The following ANOS1 variants were observed in gnomAD, a reference collection of about 807,000 sequenced individuals.
The protein encoded by ANOS1 is anosmin-1.
Under a neutral mutation model 59.0 loss-of-function variants are expected in ANOS1, and 6 were observed. The ratio of observed to expected loss-of-function variants is 0.10; its 90% confidence interval spans 0.06 to 0.20. The LOEUF is 0.20. Among genes scored for constraint, ANOS1 ranks in the 10% least tolerant of loss-of-function variants. The probability of loss-of-function intolerance (pLI) is 1.00; values close to 1 mark genes in which losing one functional copy is unlikely to be tolerated. For synonymous variants in ANOS1, 217 were observed against 223.4 expected (o/e 0.97, Z 0.25); for missense variants, 433 against 542.3 (o/e 0.80, Z 2.00).
At position 8,532,783 on chromosome X, in the gene ANOS1, T is replaced by C; in HGVS notation, c.*212A>G. 1 of 381,346 alleles carries C rather than the reference T, an allele frequency of 2.6e-6. No homozygotes were observed. The highest frequency in any genetic ancestry group is 4.6e-6 in the Non-Finnish European group (1 of 217,186). 31.4% of individuals were successfully genotyped at this position (381,346 alleles called of 1,213,427 possible). ...CTATTCTTCATTTTCTCCATGCTTG[T>C]AGGGAACTGGTGTCTGTCTTCACCA... On this transcript the variant is annotated 3_prime_UTR_variant, in exon 14 of 14. Transcript: ENST00000262648.
rs760804128 is a variant in ANOS1 at position 8,559,338 on chromosome X, C to A, written c.1208-5240G>T. ...ACATGTTCATTATTAAAAGCATGAA[C>A]TTTTTTTTCCCTATTGTCCATTAAA... On this transcript the variant is annotated intron_variant, in intron 8 of 13. Transcript: ENST00000262648. 7.2e-5 allele frequency among the ~76,000 whole-genome samples: 4 copies of A among 55,899 alleles called. No individual in the cohort carries two copies. In the East Asian group the frequency reaches 3.1e-3, roughly 44 times the overall value. The allele number at this position is 55,899 out of a possible 115,157, so 48.5% of individuals were successfully genotyped here.
rs1471880092 is a variant in ANOS1, at chrX:8,530,555, A to C, written c.*2440T>G. ...CATTTTTCTTCCAATAACACCAATA[A>C]AATTTAAATTATTTATTTATATTAA... On this transcript the variant is annotated 3_prime_UTR_variant, in exon 14 of 14. Coordinates refer to ENST00000262648, the MANE Select transcript of ANOS1 (RefSeq NM_000216.4). 9.0e-6 allele frequency: 1 copy of C among 110,500 alleles called. No individual in the cohort carries two copies. The highest frequency in any genetic ancestry group is 3.3e-5 in the African/African-American group (1 of 30,602). The allele number at this position is 110,500 out of a possible 1,213,427, so 9.1% of individuals were successfully genotyped here. A position where few individuals can be genotyped will look rare whatever the true frequency, so the allele number is the denominator to read the frequency against.
intron 2 of ANOS1, among the ~76,000 whole-genome samples, chrX:8,663,600 C>T (rs975660293): frequency 9.0e-6 from 1 of 111,575 alleles, no homozygotes; most frequent in African/African-American, 3.3e-5. Flanking sequence ...CCAACTGGAG[C>T]CTGCCCAGAA....
chrX:8,594,963 T>G (rs181591779), intron 4 of ANOS1, among the ~76,000 whole-genome samples: 1 of 107,321 alleles, frequency 9.3e-6, no homozygotes, highest in Non-Finnish European at 1.9e-5. Flanking sequence ...TCACCTGGTT[T>G]CGTTAAACGT....
At chrX:8,687,135 C>T (rs1032353345) in intron 2 of ANOS1, among the ~76,000 whole-genome samples, 2 of 111,153 alleles carry the variant, frequency 1.8e-5, no homozygotes, top group Non-Finnish European at 3.8e-5. Context: ...TCAGCAAAAG[C>T]CATTTGTTAA....
At chrX:8,627,262 A>G (rs7877867) in intron 2 of ANOS1, among the ~76,000 whole-genome samples, 1,925 of 112,768 alleles carry the variant, frequency 0.017, 44 homozygotes, top group African/African-American at 0.059. Context: ...CTACATGTGT[A>G]CACAGTTGCA....
chrX:8,724,441 G>C (rs749808675), intron 1 of ANOS1, among the ~76,000 whole-genome samples: 18 of 112,365 alleles, frequency 1.6e-4, no homozygotes, highest in Non-Finnish European at 3.0e-4. Flanking sequence ...CCAGAGCCCT[G>C]CATAAGCCTG....
At chrX:8,688,530 T>C (rs1393843498) in intron 2 of ANOS1, among the ~76,000 whole-genome samples, 1 of 112,468 alleles carries the variant, frequency 8.9e-6, no homozygotes, top group East Asian at 2.8e-4. Context: ...GAGATTTCGT[T>C]TGCATTTTCT....
chrX:8,595,269 A>C (rs1930712969), intron 4 of ANOS1, among the ~76,000 whole-genome samples: 1 of 111,828 alleles, frequency 8.9e-6, no homozygotes, highest in African/African-American at 3.2e-5. Context: ...TTTAAAAGTT[A>C]GATGGTTTTA....
intron 9 of ANOS1, among the ~76,000 whole-genome samples, chrX:8,546,516 A>T (rs1929773664): frequency 8.9e-6 from 1 of 112,284 alleles, no homozygotes; most frequent in African/African-American, 3.2e-5. Flanking sequence ...AGCTCCTAAT[A>T]GTAAGTGTGT....
At chrX:8,668,710 AATG>A in intron 2 of ANOS1, among the ~76,000 whole-genome samples, 1 of 108,956 alleles carries the variant, frequency 9.2e-6, no homozygotes. Flanking sequence ...AAACAATAGC[AATG>A]AAAACCTCCA....
At chrX:8,560,390 G>A (rs1930013583) in intron 8 of ANOS1, among the ~76,000 whole-genome samples, 1 of 111,950 alleles carries the variant, frequency 8.9e-6, no homozygotes, top group African/African-American at 3.2e-5. Flanking sequence ...TTTCTTAAAT[G>A]GCCAGATAGT....
chrX:8,597,395 T>C (rs1452762310), intron 3 of ANOS1, 139 bp from the exon 4 acceptor site: 1 of 534,961 alleles, frequency 1.9e-6, no homozygotes, highest in African/African-American at 2.3e-5. Context: ...GTATTTGTTT[T>C]CTTTTCTCCT....
chrX:8,725,519 G>GATAT (rs762026873), intron 1 of ANOS1, among the ~76,000 whole-genome samples: 25 of 62,356 alleles, frequency 4.0e-4, no homozygotes, highest in African/African-American at 1.3e-3. Flanking sequence ...ATTATATACA[G>GATAT]ATATATATAT....
chrX:8,610,006 C>CAAAAAAAAAAAAAAAA (rs1167209336), intron 3 of ANOS1, among the ~76,000 whole-genome samples: 18 of 9,159 alleles, frequency 2.0e-3, no homozygotes, highest in African/African-American at 4.0e-3. Flanking sequence ...GACTCCATCT[C>CAAAAAAAAAAAAAAAA]AAAAAAAAAA....
At chrX:8,731,162 G>T (rs1932972864) in intron 1 of ANOS1, among the ~76,000 whole-genome samples, 1 of 112,235 alleles carries the variant, frequency 8.9e-6, no homozygotes, top group Admixed American at 9.3e-5. Flanking sequence ...CTTCCCTGAC[G>T]CTCTACGCTA....
In ANOS1 at chrX:8,690,492, A is replaced by C. The variant is rs974117071; in HGVS notation, c.255+9206T>G. On this transcript the variant is annotated intron_variant, in intron 2 of 13. Transcript: ENST00000262648. ...TATTAGAATTGCAATCAGATAAAAA[A>C]CGTTCACCTTTGGTTCTTGGGTACT... Among the ~76,000 whole-genome samples the C allele has an allele frequency of 2.1e-4, 23 of 112,083 alleles. 1 individual carries two copies. The highest frequency in any genetic ancestry group is 7.5e-4 in the African/African-American group (23 of 30,855).
At chrX:8,544,892 C>T (rs1601948007) in intron 9 of ANOS1, among the ~76,000 whole-genome samples, 1 of 108,099 alleles carries the variant, frequency 9.3e-6, no homozygotes, top group East Asian at 2.9e-4. Context: ...CATGGAGAAA[C>T]CCCGTCTCTA....
chrX:8,722,521 G>A lies in ANOS1; in HGVS notation c.207+9309C>T, dbSNP rs751089650. On this transcript the variant is annotated intron_variant, in intron 1 of 13. Transcript: ENST00000262648. ...TCTCCAATCCCATCCAGGTTGCTGC[G>A]AATACCATCAGTTCATTCCTTTTTA... 9.9e-5 allele frequency among the ~76,000 whole-genome samples: 11 copies of A among 110,886 alleles called. No homozygotes were observed. The South Asian group carries it at 1.9e-3, about 19-fold the overall frequency.
Sources: gnomAD v4.1 joint callset for allele counts (sites outside exome capture counted in the v4.1 genomes callset) on GRCh38, gnomAD v4.1.1 for gene constraint, MANE v1.5 for transcripts, NCBI Gene and HGNC (gene_info 2026-07-23, HGNC 2026-07-21) for gene names.